FBXL2: variants seen among roughly 807,000 people sequenced by gnomAD.
The protein encoded by FBXL2 is F-box/LRR-repeat protein 2.
FBXL2 carries 38 observed loss-of-function variants against 69.2 expected under a neutral mutation model. That is an observed-to-expected ratio of 0.55 (90% confidence interval 0.42 to 0.72). FBXL2 has a LOEUF of 0.72. Ranked by LOEUF, FBXL2 falls within the 30% of genes least tolerant of loss-of-function variation. FBXL2 has a pLI of 0.00. For synonymous variants in FBXL2, 192 were observed against 201.3 expected, an observed-to-expected ratio of 0.95 and a Z score of 0.39; for missense variants, 354 against 520.3, an observed-to-expected ratio of 0.68 and a Z score of 3.11.
At chr3:33,281,932 G>T (rs970487241) in intron 1 of FBXL2, among the ~76,000 whole-genome samples, 1 of 152,154 alleles carries the variant, frequency 6.6e-6, no homozygotes, top group African/African-American at 2.4e-5. Flanking sequence ...GTTATTTGTA[G>T]ATTCTGGATA....
chr3:33,401,148 G>A (rs781109068), intron 12 of FBXL2: 24 of 757,820 alleles, frequency 3.2e-5, no homozygotes, highest in Non-Finnish European at 4.6e-5. Flanking sequence ...AGCTATGAAA[G>A]TCTGCAACAA....
chr3:33,408,364 AAGG>A (rs1238597381), downstream of FBXL2, among the ~76,000 whole-genome samples: 2 of 152,106 alleles, frequency 1.3e-5, no homozygotes, highest in East Asian at 3.8e-4. Flanking sequence ...AGTGCTCTTG[AAGG>A]AGGTGTGTGT....
At chr3:33,357,631 G>T (rs939901034) in intron 2 of FBXL2, among the ~76,000 whole-genome samples, 1 of 145,722 alleles carries the variant, frequency 6.9e-6, no homozygotes, top group Non-Finnish European at 1.5e-5. Flanking sequence ...CCGGGTTCAC[G>T]CCATTCTCCT....
At chr3:33,416,713 C>T in the FBXL2 span, 1 of 1,384,790 alleles carries the variant, frequency 7.2e-7, no homozygotes, top group Admixed American at 2.2e-5. Flanking sequence ...AAAACTCATT[C>T]AATCACAGCA....
intron 1 of FBXL2, among the ~76,000 whole-genome samples, chr3:33,280,103 G>A (rs988935581): frequency 2.0e-5 from 3 of 152,160 alleles, no homozygotes; most frequent in African/African-American, 4.8e-5. Context: ...AGATACTACG[G>A]AACAGGGTAG....
At chr3:33,389,355 G>A (rs933497965), downstream of FBXL2, 1 of 152,142 alleles carries the variant, frequency 6.6e-6, no homozygotes, top group African/African-American at 2.4e-5. Context: ...TGTTCATAAT[G>A]AAGATCCCTT....
At chr3:33,378,268 C>A in intron 12 of FBXL2, 121 bp downstream of exon 12, 1 of 1,036,916 alleles carries the variant, frequency 9.6e-7, no homozygotes, top group Non-Finnish European at 1.5e-6. Flanking sequence ...ACCTCAGTGG[C>A]AGGGCTTGGA....
chr3:33,350,228 A>G (rs544041338), intron 2 of FBXL2, among the ~76,000 whole-genome samples: 1 of 152,338 alleles, frequency 6.6e-6, no homozygotes, highest in East Asian at 1.9e-4. Flanking sequence ...ATATGCAAGG[A>G]TATTTTAACA....
At chr3:33,335,081 A>G (rs375473011) in intron 2 of FBXL2, among the ~76,000 whole-genome samples, 2 of 152,042 alleles carry the variant, frequency 1.3e-5, no homozygotes, top group East Asian at 3.9e-4. Context: ...AGCCTGGGCA[A>G]CAGAGTGAGA....
In FBXL2 at chr3:33,357,300, A is replaced by G. The variant is rs2041269685; in HGVS notation, c.66-1667A>G. ...CAATCCCTGCATGAAATATGATTCT[A>G]CTGTACCAGGCTAGTTTCTCTGTTT... On this transcript the variant is annotated intron_variant, in intron 2 of 14. Coordinates refer to ENST00000484457, the MANE Select transcript of FBXL2 (RefSeq NM_012157.5). Among the ~76,000 whole-genome samples, 9 of 152,084 alleles carry G rather than the reference A, an allele frequency of 5.9e-5. No individual in the cohort carries two copies. The South Asian group carries it at 1.9e-3, about 32-fold the overall frequency.
chr3:33,420,446 C>T, the FBXL2 span, among the ~76,000 whole-genome samples: 2 of 151,604 alleles, frequency 1.3e-5, no homozygotes, highest in Non-Finnish European at 2.9e-5. Context: ...ATGCCTCAGC[C>T]TCCCAAGTAG....
At chr3:33,310,326 T>C (rs1229238482) in intron 2 of FBXL2, among the ~76,000 whole-genome samples, 1 of 151,842 alleles carries the variant, frequency 6.6e-6, no homozygotes, top group African/African-American at 2.4e-5. Flanking sequence ...TAATTTTTTG[T>C]ATTTTAGTAG....
downstream of FBXL2, chr3:33,390,279 A>G (rs1253564187): frequency 9.7e-6 from 15 of 1,552,920 alleles, no homozygotes; most frequent in East Asian, 2.3e-5. Flanking sequence ...GTCTTCACAC[A>G]CTTTTAAGCG....
At chr3:33,384,889 A>AGCTGGCTGCGTG (rs1256677605) in intron 14 of FBXL2, among the ~76,000 whole-genome samples, 2 of 151,960 alleles carry the variant, frequency 1.3e-5, no homozygotes, top group Non-Finnish European at 2.9e-5. Flanking sequence ...TATAAAAATT[A>AGCTGGCTGCGTG]GCTGGCTGCG....
chr3:33,364,474 G>A (rs1041802327), intron 4 of FBXL2, 151 bp from the exon 5 acceptor site: 3 of 702,372 alleles, frequency 4.3e-6, no homozygotes, highest in Non-Finnish European at 7.6e-6. Context: ...TATGCATTAA[G>A]GATAGAACTG....
At chr3:33,340,445 C>A (rs546221351) in intron 2 of FBXL2, among the ~76,000 whole-genome samples, 2 of 151,720 alleles carry the variant, frequency 1.3e-5, no homozygotes, top group Admixed American at 1.3e-4. Context: ...AGGACTGAGG[C>A]AGAAAATGTA....
chr3:33,399,035 G>A (rs779623434), intron 12 of FBXL2, among the ~76,000 whole-genome samples: 2 of 152,240 alleles, frequency 1.3e-5, no homozygotes, highest in Non-Finnish European at 2.9e-5. Context: ...ACGTGGCATA[G>A]TAAGAAACCA....
intron 14 of FBXL2, 71 bp downstream of exon 14, chr3:33,384,272 A>T (rs2043261843): frequency 1.3e-6 from 2 of 1,497,548 alleles, no homozygotes; most frequent in African/African-American, 2.7e-5. Context: ...CAAGAATCAG[A>T]CCGGGGCTAG....
chr3:33,306,124 G>T (rs1339478595), intron 2 of FBXL2, among the ~76,000 whole-genome samples: 1 of 151,560 alleles, frequency 6.6e-6, no homozygotes, highest in African/African-American at 2.4e-5. Flanking sequence ...CTTATTTTTT[G>T]AGCCTTAGAC....
Sources: allele counts gnomAD v4.1 joint callset (sites outside exome capture counted in the v4.1 genomes callset), GRCh38; gene constraint gnomAD v4.1.1; transcripts MANE v1.5; gene names NCBI Gene and HGNC (gene_info 2026-07-23, HGNC 2026-07-21).